The following PBLD variants were observed in gnomAD, a reference collection of about 807,000 sequenced individuals.
PBLD encodes phenazine biosynthesis like protein domain containing.
A neutral mutation model predicts 31.3 loss-of-function variants in PBLD; 26 were observed. That is an observed-to-expected ratio of 0.83 (90% confidence interval 0.61 to 1.15). The LOEUF is 1.15. Ranked by LOEUF, PBLD falls within the 50% of genes most tolerant of loss-of-function variation. The probability of loss-of-function intolerance (pLI) is 0.00; values close to 1 mark genes in which losing one functional copy is unlikely to be tolerated. For synonymous variants in PBLD, 114 were observed against 129.0 expected (o/e 0.88, Z 0.79); for missense variants, 307 against 351.7 (o/e 0.87, Z 1.02).
At chr10:68,295,164 A>G (rs1007332380) in intron 4 of PBLD, among the ~76,000 whole-genome samples, 4 of 152,158 alleles carry the variant, frequency 2.6e-5, no homozygotes, top group African/African-American at 4.8e-5. Context: ...GAATGTATAC[A>G]GTGGGGGCCC....
At chr10:68,319,115 A>G (rs2044792095) in intron 1 of PBLD, among the ~76,000 whole-genome samples, 1 of 115,772 alleles carries the variant, frequency 8.6e-6, no homozygotes, top group African/African-American at 3.4e-5. Flanking sequence ...AAGAAAGGAA[A>G]AAGAAAGAAA....
chr10:68,284,354 A>G, intron 9 of PBLD, 65 bp from the exon 10 acceptor site: 2 of 1,372,592 alleles, frequency 1.5e-6, no homozygotes, highest in South Asian at 2.4e-5. Context: ...AAGCATAGTG[A>G]AAGACTTATT....
chr10:68,322,546 C>T (rs548721324), intron 1 of PBLD, among the ~76,000 whole-genome samples: 2 of 150,874 alleles, frequency 1.3e-5, no homozygotes, highest in East Asian at 3.9e-4. Flanking sequence ...CACCTGTAGT[C>T]CCAGCTAGTT....
intron 1 of PBLD, among the ~76,000 whole-genome samples, chr10:68,321,883 TGGA>T (rs1564738737): frequency 3.3e-5 from 5 of 152,154 alleles, no homozygotes; most frequent in Non-Finnish European, 7.4e-5. Context: ...CATAAATAAA[TGGA>T]GGAGAAGAGA....
intron 4 of PBLD, 70 bp downstream of exon 4, chr10:68,296,194 AGT>A (rs776693190): frequency 1.8e-6 from 2 of 1,128,930 alleles, no homozygotes; most frequent in Non-Finnish European, 2.6e-6. Context: ...CATCAGAAAA[AGT>A]GTGTGTGAGA....
At chr10:68,293,262 A>G (rs2044383004) in intron 4 of PBLD, among the ~76,000 whole-genome samples, 1 of 152,252 alleles carries the variant, frequency 6.6e-6, no homozygotes, top group South Asian at 2.1e-4. Context: ...AAAACATTTA[A>G]GTTGTAAATA....
chr10:68,296,186 T>C, intron 4 of PBLD, 80 bp downstream of exon 4: 1 of 1,056,170 alleles, frequency 9.5e-7, no homozygotes, highest in South Asian at 1.5e-5. Flanking sequence ...CTTTGGACCA[T>C]CAGAAAAAGT....
At chr10:68,302,936 T>C (rs1303453623) in intron 2 of PBLD, among the ~76,000 whole-genome samples, 3 of 152,212 alleles carry the variant, frequency 2.0e-5, no homozygotes, top group East Asian at 3.9e-4. Context: ...CTCTAGTTTT[T>C]TACCCAGCTA....
chr10:68,311,701 G>A (rs573822309), intron 1 of PBLD, among the ~76,000 whole-genome samples: 178 of 140,756 alleles, frequency 1.3e-3, no homozygotes, highest in African/African-American at 4.3e-3. Flanking sequence ...GCAGTGAGCC[G>A]AGATCATGCC....
chr10:68,289,154 T>C, intron 6 of PBLD, 135 bp from the exon 7 acceptor site: 1 of 650,896 alleles, frequency 1.5e-6, no homozygotes, highest in Non-Finnish European at 2.7e-6. Flanking sequence ...CCCAAGAGTG[T>C]TAGTGCAGTT....
intron 1 of PBLD, among the ~76,000 whole-genome samples, chr10:68,328,177 T>C (rs2044953442): frequency 6.6e-6 from 1 of 152,338 alleles, no homozygotes; most frequent in Admixed American, 6.5e-5. Context: ...TACACAAATT[T>C]AGTGTTTAAA....
rs541212011 is a variant in PBLD, at chr10:68,306,899, G to A, written c.-55C>T. The A allele has an allele frequency of 2.3e-5, 32 of 1,373,704 alleles. No homozygotes were observed. Among genetic ancestry groups the A allele is most frequent in the Middle Eastern group, 1.8e-4 (1 of 5,510 alleles). 85.1% of individuals were successfully genotyped at this position (1,373,704 alleles called of 1,614,324 possible). Reference sequence around the variant, plus strand: ...CAAAATTGCTGGTAGCCTGCTTTACGTCTTCTTCTTGGAAAAGGAAATCAA... The same window carrying A: ...CAAAATTGCTGGTAGCCTGCTTTACATCTTCTTCTTGGAAAAGGAAATCAA... On this transcript the variant is annotated 5_prime_UTR_variant, in exon 2 of 10. It adds an upstream start codon to the 5' untranslated region. Coordinates refer to ENST00000358769, the MANE Select transcript of PBLD (RefSeq NM_022129.4).
At chr10:68,296,184 C>T in intron 4 of PBLD, 82 bp downstream of exon 4, 4 of 1,031,918 alleles carry the variant, frequency 3.9e-6, no homozygotes, top group South Asian at 1.6e-5. Flanking sequence ...CACTTTGGAC[C>T]ATCAGAAAAA....
chr10:68,285,257 T>C (rs879019854), intron 9 of PBLD, 91 bp downstream of exon 9: 3 of 1,605,082 alleles, frequency 1.9e-6, no homozygotes, highest in Admixed American at 3.5e-5. Context: ...CATGACATTG[T>C]ATTACATTTT....
At chr10:68,319,056 A>AG (rs796470086) in intron 1 of PBLD, among the ~76,000 whole-genome samples, 1,331 of 60,002 alleles carry the variant, frequency 0.022, 14 homozygotes, top group African/African-American at 0.051. Flanking sequence ...AAAGAGAGAG[A>AG]AAGAAAGAAA....
In PBLD at chr10:68,283,911, T is replaced by C. The variant is rs1037961939; in HGVS notation, c.*266A>G. On this transcript the variant is annotated 3_prime_UTR_variant, in exon 10 of 10. Coordinates refer to ENST00000358769, the MANE Select transcript of PBLD (RefSeq NM_022129.4). ...ACAGGCATGTGGCACCACACCCAGC[T>C]AATTTTTGTATTTGTAGTAGAGACG... 6 of 283,234 alleles carry C rather than the reference T, an allele frequency of 2.1e-5. No homozygotes were observed. Among genetic ancestry groups the C allele is most frequent in the Non-Finnish European group, 4.1e-5 (6 of 147,272 alleles). 17.5% of individuals were successfully genotyped at this position (283,234 alleles called of 1,614,324 possible).
At chr10:68,329,069 G>C (rs2044971345) in intron 1 of PBLD, among the ~76,000 whole-genome samples, 2 of 152,190 alleles carry the variant, frequency 1.3e-5, no homozygotes, top group South Asian at 4.1e-4. Flanking sequence ...AGCAGAGACA[G>C]AGTTTCCCTA....
At chr10:68,286,326 G>A (rs1158876507) in intron 8 of PBLD, among the ~76,000 whole-genome samples, 1 of 152,014 alleles carries the variant, frequency 6.6e-6, no homozygotes, top group Non-Finnish European at 1.5e-5. Flanking sequence ...GACTTCAAGT[G>A]ATGCACCCAT....
chr10:68,332,519 G>T (rs1459852898), intron 1 of PBLD, among the ~76,000 whole-genome samples: 1 of 152,180 alleles, frequency 6.6e-6, no homozygotes, highest in Admixed American at 6.5e-5. Flanking sequence ...GTACAGTGGC[G>T]CGGCCACCTC....
Sources: gnomAD v4.1 joint callset for allele counts (sites outside exome capture counted in the v4.1 genomes callset) on GRCh38, gnomAD v4.1.1 for gene constraint, MANE v1.5 for transcripts, NCBI Gene and HGNC (gene_info 2026-07-23, HGNC 2026-07-21) for gene names.